The following C4orf36 variants were observed in gnomAD, a reference collection of about 807,000 sequenced individuals.
The protein encoded by C4orf36 is chromosome 4 open reading frame 36.
A neutral mutation model predicts 12.2 loss-of-function variants in C4orf36; 11 were observed. The ratio of observed to expected loss-of-function variants is 0.90; its 90% CI spans 0.57 to 1.49. The LOEUF (loss-of-function observed/expected upper bound fraction) is 1.49. Ranked by LOEUF, C4orf36 falls within the 40% of genes most tolerant of loss-of-function variation. The probability of loss-of-function intolerance (pLI) is 0.00; values close to 1 mark genes in which losing one functional copy is unlikely to be tolerated. For synonymous variants in C4orf36, 54 were observed against 51.3 expected, an observed-to-expected ratio of 1.05 and a Z score of -0.22; for missense variants, 137 against 133.9, an observed-to-expected ratio of 1.02 and a Z score of -0.11.
the C4orf36 span, chr4:86,935,294 A>C: frequency 6.6e-6 from 1 of 151,860 alleles, no homozygotes; most frequent in Non-Finnish European, 1.5e-5. Context: ...CCGGCCCCCG[A>C]CGCCGCCGCC....
Position 86,891,665 on chromosome 4 carries a change from T to A in C4orf36, c.-73-72A>T, listed in dbSNP as rs79981104. On this transcript the variant is annotated intron_variant, in intron 1 of 4. Coordinates refer to ENST00000295898, the MANE Select transcript of C4orf36 (RefSeq NM_144645.4). ...TTTGTAGCCAAATAATAGAAAAAAA[T>A]TCTGAATGTCAGAAAGTCCTTAATA... The A allele has an allele frequency of 3.6e-5, 43 of 1,209,528 alleles. No homozygotes were observed. The South Asian group carries it at 5.4e-4, about 15-fold the overall frequency. The allele number at this position is 1,209,528 out of a possible 1,614,324, so 74.9% of individuals were successfully genotyped here.
At chr4:86,931,305 C>G in the C4orf36 span, among the ~76,000 whole-genome samples, 1 of 152,114 alleles carries the variant, frequency 6.6e-6, no homozygotes, top group Non-Finnish European at 1.5e-5. Context: ...TTAGACTAAT[C>G]CTTCCTCCTT....
At chr4:86,914,651 G>C in the C4orf36 span, 1 of 333,656 alleles carries the variant, frequency 3.0e-6, no homozygotes, top group Non-Finnish European at 5.8e-6. Context: ...TCCACCTGCC[G>C]AGGCCTCTCA....
chr4:86,920,410 CCA>C, the C4orf36 span, among the ~76,000 whole-genome samples: 1 of 152,152 alleles, frequency 6.6e-6, no homozygotes, highest in East Asian at 1.9e-4. Flanking sequence ...TACCCATTAC[CCA>C]GTTCCAAAGC....
chr4:86,916,979 A>G, the C4orf36 span, among the ~76,000 whole-genome samples: 1,715 of 152,306 alleles, frequency 0.011, 32 homozygotes, highest in African/African-American at 0.039. Context: ...GGTTATAAAC[A>G]AGAGAAATTT....
the C4orf36 span, among the ~76,000 whole-genome samples, chr4:86,906,722 C>T: frequency 3.5e-5 from 3 of 85,976 alleles, no homozygotes; most frequent in Non-Finnish European, 6.5e-5. Flanking sequence ...CACAGCAAGA[C>T]GGTCTCAAAA....
chr4:86,932,657 A>C, the C4orf36 span, among the ~76,000 whole-genome samples: 29 of 151,556 alleles, frequency 1.9e-4, no homozygotes, highest in Middle Eastern at 3.2e-3. Flanking sequence ...TTTGTTTTTA[A>C]ATTTTAAGTA....
chr4:86,900,060 G>T, the C4orf36 span, among the ~76,000 whole-genome samples: 1 of 150,286 alleles, frequency 6.7e-6, no homozygotes, highest in Admixed American at 6.6e-5. Context: ...TTCTGAGACT[G>T]AGTCTCACTC....
the C4orf36 span, chr4:86,914,391 CTTTTTTTTTTTTTTTTTTT>C: frequency 6.4e-5 from 21 of 327,828 alleles, 2 homozygotes; most frequent in South Asian, 4.1e-4. Flanking sequence ...CTTCTTCTTC[CTTTTTTTTTTTTTTTTTTT>C]TTTTTTTTGA....
At position 86,890,163 on chromosome 4, in the gene C4orf36, C is replaced by CAGGAAAGA. The variant is rs754991768; in HGVS notation, c.65+1285_65+1292dup. 217 of 362,740 alleles carry CAGGAAAGA rather than the reference C, an allele frequency of 6.0e-4. 1 individual carries two copies. The highest frequency in any genetic ancestry group is 2.0e-3 in the Middle Eastern group (3 of 1,534). 22.5% of individuals were successfully genotyped at this position (362,740 alleles called of 1,614,324 possible). A position where few individuals can be genotyped will look rare whatever the true frequency, so the allele number is the denominator to read the frequency against. On this transcript the variant is annotated intron_variant, in intron 2 of 4. Transcript: ENST00000295898. Reference sequence around the variant, plus strand: ...CCTGCGTGACAGTGTGAGACCCTGTCAGGAAAGAAGGAAAGAAGGGAGGGA... The same window carrying CAGGAAAGA: ...CCTGCGTGACAGTGTGAGACCCTGTCAGGAAAGAAGGAAAGAAGGAAAGAAGGGAGGGA...
At position 86,892,088 on chromosome 4, in the gene C4orf36, C is replaced by G. The variant is rs1355156711; in HGVS notation, c.-74+95G>C. On this transcript the variant is annotated intron_variant, in intron 1 of 4. Transcript: ENST00000295898. ...CCTTCCCCGGACGGACGCGCAGGGC[C>G]CGGGAGGAACTGGTTCCCGGGACGG... 3.0e-6 allele frequency: 3 copies of G among 985,722 alleles called. No individual in the cohort carries two copies. In the African/African-American group the frequency reaches 5.2e-5, roughly 17 times the overall value. 61.1% of individuals were successfully genotyped at this position (985,722 alleles called of 1,614,324 possible).
chr4:86,923,887 G>A, the C4orf36 span, among the ~76,000 whole-genome samples: 11 of 151,224 alleles, frequency 7.3e-5, no homozygotes, highest in Admixed American at 5.3e-4. Flanking sequence ...ATTATTACTC[G>A]TGCAAAATAA....
At chr4:86,880,051 A>C (rs1424442599) in intron 4 of C4orf36, among the ~76,000 whole-genome samples, 1 of 152,040 alleles carries the variant, frequency 6.6e-6, no homozygotes, top group Non-Finnish European at 1.5e-5. Context: ...ATGAGGTCTC[A>C]CCGTATTGCT....
the C4orf36 span, among the ~76,000 whole-genome samples, chr4:86,917,376 G>A: frequency 0.062 from 9,046 of 146,452 alleles, 412 homozygotes; most frequent in Non-Finnish European, 0.089. Context: ...TGGAAGGAAG[G>A]AAGGAAAGGA....
At chr4:86,922,532 G>A in the C4orf36 span, among the ~76,000 whole-genome samples, 4 of 152,160 alleles carry the variant, frequency 2.6e-5, no homozygotes, top group African/African-American at 7.2e-5. Context: ...TTGCCAGCTG[G>A]TGCAATGTTA....
chr4:86,891,498 T>C lies in C4orf36; in HGVS notation c.23A>G (p.Lys8Arg), dbSNP rs374528405. 89 of 1,614,116 alleles carry C rather than the reference T, an allele frequency of 5.5e-5. No individual in the cohort carries two copies. The highest frequency in any genetic ancestry group is 3.3e-4 in the Middle Eastern group (2 of 6,062). Residue 8 changes from lysine to arginine, a missense_variant, in exon 2 of 5, where the codon AAG (lysine) becomes AGG (arginine). Lys to Arg is a conservative substitution (Grantham distance 26, BLOSUM62 2). Transcript: ENST00000295898. MAYGVPR[K>R]NTVKTILRGS... ...CCGCAAAATGGTTTTCACTGTGTTC[T>C]TTCTTGGCACTCCATACGCCATGGT...
intron 4 of C4orf36, among the ~76,000 whole-genome samples, chr4:86,882,781 T>C (rs1747078862): frequency 6.6e-6 from 1 of 152,204 alleles, no homozygotes; most frequent in South Asian, 2.1e-4. Context: ...ACATATATGT[T>C]TGCCCATTGC....
At chr4:86,902,400 G>A in the C4orf36 span, among the ~76,000 whole-genome samples, 2 of 125,568 alleles carry the variant, frequency 1.6e-5, no homozygotes, top group Non-Finnish European at 3.1e-5. Context: ...TCCAACCTGG[G>A]CAACAGAATG....
intron 2 of C4orf36, among the ~76,000 whole-genome samples, chr4:86,889,227 G>A (rs1747295878): frequency 1.3e-5 from 2 of 151,792 alleles, no homozygotes; most frequent in Admixed American, 1.3e-4. Context: ...GCGGGCGCTT[G>A]TAATCCCAGC....
Sources: allele counts gnomAD v4.1 joint callset (sites outside exome capture counted in the v4.1 genomes callset), GRCh38; gene constraint gnomAD v4.1.1; transcripts MANE v1.5; gene names NCBI Gene and HGNC (gene_info 2026-07-23, HGNC 2026-07-21).